The following RANGAP1 variants were observed in gnomAD, a reference collection of about 807,000 sequenced individuals.
The protein encoded by RANGAP1 is ran GTPase-activating protein 1.
RANGAP1 carries 38 observed loss-of-function variants against 63.5 expected under a neutral mutation model. The ratio of observed to expected loss-of-function variants is 0.60; its 90% CI spans 0.46 to 0.78. The LOEUF is 0.78. Among genes scored for constraint, RANGAP1 ranks in the 30% least tolerant of loss-of-function variants. The pLI is 0.00. For synonymous variants in RANGAP1, 329 were observed against 310.5 expected, an observed-to-expected ratio of 1.06 and a Z score of -0.63; for missense variants, 630 against 740.3, an observed-to-expected ratio of 0.85 and a Z score of 1.73.
intron 6 of RANGAP1, among the ~76,000 whole-genome samples, chr22:41,259,928 C>A (rs2034065150): frequency 6.6e-6 from 1 of 152,038 alleles, no homozygotes; most frequent in Non-Finnish European, 1.5e-5. Context: ...ATCACTTGAG[C>A]CTGGGAAGCT....
intron 2 of RANGAP1, among the ~76,000 whole-genome samples, chr22:41,278,970 G>A (rs181443091): frequency 1.8e-4 from 27 of 152,168 alleles, no homozygotes; most frequent in Non-Finnish European, 2.5e-4. Flanking sequence ...GTGAAACCCC[G>A]TCTCTACTAA....
intron 15 of RANGAP1, among the ~76,000 whole-genome samples, chr22:41,248,070 C>A (rs1983631): frequency 6.6e-6 from 1 of 151,942 alleles, no homozygotes; most frequent in Non-Finnish European, 1.5e-5. Context: ...AGGGCTCAGG[C>A]GCAGACGGGG....
chr22:41,291,714 C>T, the RANGAP1 span, among the ~76,000 whole-genome samples: 11 of 151,046 alleles, frequency 7.3e-5, no homozygotes, highest in African/African-American at 2.4e-4. Flanking sequence ...CTGGCTAACA[C>T]GGTGAAACCC....
chr22:41,264,878 A>T (rs780247977), intron 4 of RANGAP1, 35 bp from the exon 5 acceptor site: 1 of 1,574,224 alleles, frequency 6.4e-7, no homozygotes, highest in Non-Finnish European at 8.7e-7. Flanking sequence ...AGTTTCATAG[A>T]CACCCAGCTT....
rs1162831004 is a variant in RANGAP1, at chr22:41,264,844, C to A, written c.301-1G>T. The A allele has an allele frequency of 6.3e-7, 1 of 1,598,722 alleles. No individual in the cohort carries two copies. On this transcript the variant is annotated splice_acceptor_variant, in intron 4 of 15. Transcript: ENST00000356244. LOFTEE classifies it high-confidence loss of function. ...TGATGAGTCCTTCCCCTAGTGAGAT[C>A]TGGGCACAGAGGAAGCTCGTGTCAG... is the stretch of plus-strand genomic sequence containing the variant.
the RANGAP1 span, among the ~76,000 whole-genome samples, chr22:41,300,428 T>TCACACACACACACACA: frequency 7.7e-4 from 28 of 36,266 alleles, no homozygotes; most frequent in South Asian, 2.7e-3. Context: ...TATTGGGAAC[T>TCACACACACACACACA]CACACACACA....
the RANGAP1 span, among the ~76,000 whole-genome samples, chr22:41,294,204 G>A: frequency 1.3e-5 from 2 of 152,212 alleles, no homozygotes; most frequent in East Asian, 1.9e-4. Context: ...GGCGTGCGCC[G>A]CCACGCCTGA....
chr22:41,277,594 CT>C (rs994346213), intron 2 of RANGAP1: 11 of 924,722 alleles, frequency 1.2e-5, no homozygotes, highest in African/African-American at 3.5e-5. Context: ...CAAGAAGGGT[CT>C]TGAGAAAGGA....
At chr22:41,266,888 CT>C (rs139523) in intron 4 of RANGAP1, among the ~76,000 whole-genome samples, 3 of 137,174 alleles carry the variant, frequency 2.2e-5, no homozygotes, top group Admixed American at 7.5e-5. Flanking sequence ...AATGAATTTC[CT>C]TTTTTTTTTG....
chr22:41,285,583 CG>C (rs1338362018), intron 1 of RANGAP1: 1 of 985,358 alleles, frequency 1.0e-6, no homozygotes, highest in Non-Finnish European at 1.2e-6. Context: ...GGGGCCCCCG[CG>C]GGCGTGGGCC....
At chr22:41,277,547 G>A in intron 2 of RANGAP1, 1 of 1,166,518 alleles carries the variant, frequency 8.6e-7, no homozygotes, top group Non-Finnish European at 1.1e-6. Context: ...AGATAGAGAT[G>A]GGTATGGGAG....
chr22:41,264,899 T>C lies in RANGAP1; in HGVS notation c.301-56A>G. On this transcript the variant is annotated intron_variant, in intron 4 of 15. Coordinates refer to ENST00000356244, the MANE Select transcript of RANGAP1 (RefSeq NM_002883.4). ...ATAGACACCCAGCTTCTGTGCTGGG[T>C]GCTGCTTCTGTGCCAGGCCCAGCTC... 3 of 1,538,554 alleles carry C rather than the reference T, an allele frequency of 1.9e-6. No individual in the cohort carries two copies. In the South Asian group the frequency reaches 3.6e-5, roughly 18 times the overall value.
At chr22:41,259,341 C>T (rs1221225511) in intron 6 of RANGAP1, among the ~76,000 whole-genome samples, 2 of 152,204 alleles carry the variant, frequency 1.3e-5, no homozygotes, top group Admixed American at 6.5e-5. Context: ...CCTGGGCACA[C>T]TCCAGGTCAG....
At chr22:41,268,010 T>A in intron 4 of RANGAP1, 87 bp downstream of exon 4, 1 of 1,363,320 alleles carries the variant, frequency 7.3e-7, no homozygotes, top group Non-Finnish European at 1.0e-6. Context: ...AATCTTAGGC[T>A]CCAGAAAGAA....
At chr22:41,280,589 T>G in intron 2 of RANGAP1, 1 of 1,127,726 alleles carries the variant, frequency 8.9e-7, no homozygotes. Context: ...ATCATGGGGG[T>G]TAAGGGCAAG....
chr22:41,279,153 A>G (rs957360882), intron 2 of RANGAP1, among the ~76,000 whole-genome samples: 2 of 148,288 alleles, frequency 1.3e-5, no homozygotes, highest in African/African-American at 5.0e-5. Context: ...AAAAAAAATA[A>G]TAATAATAAA....
chr22:41,258,816 G>A (rs554921723), intron 6 of RANGAP1, among the ~76,000 whole-genome samples: 18 of 152,182 alleles, frequency 1.2e-4, no homozygotes, highest in East Asian at 1.9e-4. Context: ...CACCACACCC[G>A]ACTAATTTTG....
intron 15 of RANGAP1, among the ~76,000 whole-genome samples, chr22:41,248,004 G>A (rs2033166237): frequency 6.6e-6 from 1 of 152,248 alleles, no homozygotes; most frequent in Non-Finnish European, 1.5e-5. Flanking sequence ...GGATAGCACA[G>A]GGGCTGCCAG....
Position 41,256,076 on chromosome 22 carries a change from G to C in RANGAP1, c.1018C>G (p.Gln340Glu), listed in dbSNP as rs12167166. The C allele has an allele frequency of 2.2e-4, 358 of 1,614,110 alleles. No homozygotes were observed. The African/African-American group carries it at 4.2e-3, about 19-fold the overall frequency. The change falls in exon 10 of 16, where the codon CAG becomes GAG. Residue 340 changes from glutamine (Q) to glutamate (E), a missense_variant. Physicochemically the swap from Gln to Glu is conservative, Grantham distance 29. Coordinates refer to ENST00000356244, the MANE Select transcript of RANGAP1 (RefSeq NM_002883.4). ...GNTLGEEGCE[Q>E]LQEVLEGFNM... ...AAGCCCTCCAGCACCTCCTGAAGCT[G>C]TTCACAGCCTTCTTCTCCCAGGGTG...
Sources: allele counts gnomAD v4.1 joint callset (sites outside exome capture counted in the v4.1 genomes callset), GRCh38; gene constraint gnomAD v4.1.1; transcripts MANE v1.5; gene names NCBI Gene and HGNC (gene_info 2026-07-23, HGNC 2026-07-21).